Variants in RIMS4 observed in about 807,000 individuals in gnomAD.
RIMS4 encodes regulating synaptic membrane exocytosis protein 4.
Under a neutral mutation model 29.0 loss-of-function variants are expected in RIMS4, and 9 were observed. The observed-to-expected ratio is 0.31, with a 90% CI of 0.19 to 0.54. RIMS4 has a LOEUF of 0.54. Ranked by LOEUF, RIMS4 falls within the 20% of genes least tolerant of loss-of-function variation. The pLI is 0.94. For missense variants in RIMS4, 193 were observed against 365.7 expected, an observed-to-expected ratio of 0.53 and a Z score of 3.85; for synonymous variants, 130 against 152.9, an observed-to-expected ratio of 0.85 and a Z score of 1.10.
Position 44,755,948 on chromosome 20 carries a change from G to A in RIMS4, c.*186C>T. 1 of 573,896 alleles carries A rather than the reference G, an allele frequency of 1.7e-6. No homozygotes were observed. Among genetic ancestry groups the A allele is most frequent in the South Asian group, 2.4e-5 (1 of 42,456 alleles). The allele number at this position is 573,896 out of a possible 1,614,324, so 35.6% of individuals were successfully genotyped here. ...TAGCCAATCCCGTTGGGAGAGGGGA[G>A]GTCTCGGGGGTAGGAGGCAAAGAAG... On this transcript the variant is annotated 3_prime_UTR_variant, in exon 6 of 6. Coordinates refer to ENST00000372851, the MANE Select transcript of RIMS4 (RefSeq NM_182970.4).
chr20:44,775,180 G>A (rs565236980), intron 1 of RIMS4, among the ~76,000 whole-genome samples: 37 of 152,202 alleles, frequency 2.4e-4, no homozygotes, highest in Non-Finnish European at 4.0e-4. Flanking sequence ...ACACACTGAC[G>A]GGAGCCAGGG....
intron 1 of RIMS4, among the ~76,000 whole-genome samples, chr20:44,783,641 A>C (rs1028433675): frequency 4.0e-5 from 6 of 151,516 alleles, no homozygotes; most frequent in African/African-American, 1.5e-4. Context: ...AAAAACAAAA[A>C]CAAAAAAAAA....
intron 1 of RIMS4, among the ~76,000 whole-genome samples, chr20:44,804,209 T>C (rs2066288455): frequency 6.6e-6 from 1 of 152,150 alleles, no homozygotes; most frequent in Admixed American, 6.5e-5. Context: ...TTCAGTGCGA[T>C]CACAGAAAGC....
chr20:44,761,450 T>C (rs1226594965), intron 2 of RIMS4, among the ~76,000 whole-genome samples: 1 of 152,214 alleles, frequency 6.6e-6, no homozygotes, highest in Non-Finnish European at 1.5e-5. Context: ...AAATTCAGCC[T>C]GTGGCACAGG....
chr20:44,799,998 G>A (rs192334719), intron 1 of RIMS4, among the ~76,000 whole-genome samples: 6 of 152,310 alleles, frequency 3.9e-5, no homozygotes, highest in East Asian at 1.9e-4. Flanking sequence ...TGATAAGCCC[G>A]TTTTGCGATG....
At chr20:44,759,018 G>C (rs1169353153) in intron 2 of RIMS4, among the ~76,000 whole-genome samples, 2 of 152,166 alleles carry the variant, frequency 1.3e-5, no homozygotes, top group Admixed American at 6.5e-5. Flanking sequence ...TTTTGCCTAA[G>C]ACAGCTTTAG....
chr20:44,762,374 C>A (rs2066089461), intron 2 of RIMS4, among the ~76,000 whole-genome samples: 2 of 152,156 alleles, frequency 1.3e-5, no homozygotes, highest in Admixed American at 6.5e-5. Flanking sequence ...TTCCACCCTA[C>A]CCTCCCAGCC....
chr20:44,789,989 C>G (rs1052103948), intron 1 of RIMS4, among the ~76,000 whole-genome samples: 1 of 152,250 alleles, frequency 6.6e-6, no homozygotes, highest in Non-Finnish European at 1.5e-5. Flanking sequence ...AGAATAAACT[C>G]CTACCCAGCA....
At position 44,796,907 on chromosome 20, in the gene RIMS4, T is replaced by C. The variant is rs536612312; in HGVS notation, c.97+13268A>G. Among the ~76,000 whole-genome samples the C allele has an allele frequency of 5.9e-5, 9 of 152,338 alleles. No homozygotes were observed. In the South Asian group the frequency reaches 1.0e-3, roughly 18 times the overall value. On this transcript the variant is annotated intron_variant, in intron 1 of 5. Coordinates refer to ENST00000372851, the MANE Select transcript of RIMS4 (RefSeq NM_182970.4). Reference sequence around the variant, plus strand: ...GTGCCTTTCTAGTACATTCTCCAAATAGTCAAACAAGCCATTCCTCTGAGC... The same window carrying C: ...GTGCCTTTCTAGTACATTCTCCAAACAGTCAAACAAGCCATTCCTCTGAGC...
At chr20:44,787,110 C>G (rs890237236) in intron 1 of RIMS4, among the ~76,000 whole-genome samples, 3 of 152,152 alleles carry the variant, frequency 2.0e-5, no homozygotes, top group African/African-American at 7.2e-5. Flanking sequence ...GCATTCCCAA[C>G]ACAGGGAACA....
Position 44,756,278 on chromosome 20 carries a change from C to T in RIMS4, c.666G>A (p.Glu222=), listed in dbSNP as rs2145441418. The T allele has an allele frequency of 6.2e-7, 1 of 1,613,966 alleles. No homozygotes were observed. Among genetic ancestry groups the T allele is most frequent in the East Asian group, 2.2e-5 (1 of 44,844 alleles). ...FMGVARVLLE[E]LDLTTLAVGW... ...CCACGGCCAGGGTGGTCAAGTCCAG[C>T]TCCTCCAGCAGCACGCGAGCCACAC... The change falls in exon 6 of 6, where the codon GAG becomes GAA. Residue 222 remains glutamate, a synonymous_variant. Coordinates refer to ENST00000372851, the MANE Select transcript of RIMS4 (RefSeq NM_182970.4). The surrounding 1 kb of genome is among the most constrained non-coding windows in gnomAD (Gnocchi z 5.9).
chr20:44,803,221 A>G (rs1383500628), intron 1 of RIMS4, among the ~76,000 whole-genome samples: 1 of 152,202 alleles, frequency 6.6e-6, no homozygotes, highest in Non-Finnish European at 1.5e-5. Context: ...GAACATTAAC[A>G]CTGAGCAGCT....
chr20:44,805,185 A>T (rs1052538213), intron 1 of RIMS4, among the ~76,000 whole-genome samples: 32 of 152,052 alleles, frequency 2.1e-4, no homozygotes, highest in Non-Finnish European at 1.5e-5. Context: ...GCATGCCTGT[A>T]GTCCCAGCCA....
intron 1 of RIMS4, among the ~76,000 whole-genome samples, chr20:44,806,571 T>C (rs2066299630): frequency 1.3e-5 from 2 of 152,320 alleles, no homozygotes; most frequent in Non-Finnish European, 2.9e-5. Context: ...ATTTTGAGAA[T>C]CAGCCTTCTC....
rs976095633 is a variant in RIMS4 at position 44,771,218 on chromosome 20, C to T, written c.236+57G>A. 6 of 1,567,312 alleles carry T rather than the reference C, an allele frequency of 3.8e-6. No homozygotes were observed. The African/African-American group carries it at 5.4e-5, about 14-fold the overall frequency. ...TCCCAGAGGGGTTGCTCAGTCCCTCCCGTGCCCCACCACAAAAGACTGCAA... is the reference window on the plus strand; with the variant it reads ...TCCCAGAGGGGTTGCTCAGTCCCTCTCGTGCCCCACCACAAAAGACTGCAA... On this transcript the variant is annotated intron_variant, in intron 2 of 5. Transcript: ENST00000372851.
chr20:44,770,083 C>T (rs2066130350), intron 2 of RIMS4, among the ~76,000 whole-genome samples: 1 of 152,196 alleles, frequency 6.6e-6, no homozygotes, highest in Non-Finnish European at 1.5e-5. Context: ...GGCTACTTTT[C>T]TGGACAGTTG....
chr20:44,794,836 G>C (rs1193280227), intron 1 of RIMS4, among the ~76,000 whole-genome samples: 1 of 152,202 alleles, frequency 6.6e-6, no homozygotes, highest in African/African-American at 2.4e-5. Context: ...TCTGTCTGGG[G>C]AGAGCCACTA....
chr20:44,803,998 C>T (rs2066287733), intron 1 of RIMS4, among the ~76,000 whole-genome samples: 1 of 152,192 alleles, frequency 6.6e-6, no homozygotes, highest in African/African-American at 2.4e-5. Context: ...GCCCCAGGAG[C>T]TTACATAGTC....
chr20:44,795,125 T>TA (rs1306051336), intron 1 of RIMS4, among the ~76,000 whole-genome samples: 3 of 152,206 alleles, frequency 2.0e-5, no homozygotes, highest in African/African-American at 7.2e-5. Flanking sequence ...CTGCTAATAC[T>TA]AACAAGAGCT....
Sources: gnomAD v4.1 joint callset for allele counts (sites outside exome capture counted in the v4.1 genomes callset) on GRCh38, gnomAD v4.1.1 for gene constraint, Gnocchi (gnomAD v3.1) non-coding constraint, MANE v1.5 for transcripts, NCBI Gene and HGNC (gene_info 2026-07-23, HGNC 2026-07-21) for gene names.